Variants in LRRC8D observed in about 807,000 individuals in gnomAD.
LRRC8D encodes volume-regulated anion channel subunit LRRC8D.
In LRRC8D, 20 loss-of-function variants were observed where a neutral mutation model predicts 55.8. That is an observed-to-expected ratio of 0.36 (90% CI 0.25 to 0.52). The LOEUF (loss-of-function observed/expected upper bound fraction) is 0.52, where lower values mean the gene tolerates loss of function less well. LRRC8D is among the 20% of genes least tolerant of loss of function. The pLI is 0.93. For synonymous variants in LRRC8D, 352 were observed against 377.0 expected, an observed-to-expected ratio of 0.93 and a Z score of 0.77; for missense variants, 651 against 1,030.8, an observed-to-expected ratio of 0.63 and a Z score of 5.05.
intron 2 of LRRC8D, among the ~76,000 whole-genome samples, 176 bp downstream of exon 2, chr1:89,843,958 G>C (rs1169076665): frequency 6.6e-6 from 1 of 152,016 alleles, no homozygotes; most frequent in African/African-American, 2.4e-5. Context: ...CCCTGGGTTC[G>C]GGCCGGCGGA....
chr1:89,832,165 A>ATTT (rs1660903339), intron 1 of LRRC8D, among the ~76,000 whole-genome samples: 1 of 152,092 alleles, frequency 6.6e-6, no homozygotes, highest in Non-Finnish European at 1.5e-5. Flanking sequence ...CTTTAGTTTT[A>ATTT]TTTGCTTTTC....
chr1:89,904,102 A>C (rs950018928), intron 2 of LRRC8D, among the ~76,000 whole-genome samples: 2 of 152,226 alleles, frequency 1.3e-5, no homozygotes, highest in East Asian at 3.9e-4. Flanking sequence ...TAAAGAATTA[A>C]AGTGGGTGGG....
At chr1:89,888,577 C>T (rs1217399299) in intron 2 of LRRC8D, among the ~76,000 whole-genome samples, 1 of 152,184 alleles carries the variant, frequency 6.6e-6, no homozygotes, top group Non-Finnish European at 1.5e-5. Context: ...CAGCAACAAG[C>T]ATATCTGGCA....
chr1:89,908,482 T>TATC (rs1663051957), intron 2 of LRRC8D, among the ~76,000 whole-genome samples: 1 of 152,180 alleles, frequency 6.6e-6, no homozygotes, highest in African/African-American at 2.4e-5. Flanking sequence ...GGGGTGTTGT[T>TATC]ATCATCATCA....
chr1:89,872,076 A>G (rs1189094994), intron 2 of LRRC8D, among the ~76,000 whole-genome samples: 1 of 152,234 alleles, frequency 6.6e-6, no homozygotes, highest in African/African-American at 2.4e-5. Flanking sequence ...CTTAAATTTT[A>G]TAAATTGGGA....
At chr1:89,870,563 A>G (rs1488012592) in intron 2 of LRRC8D, among the ~76,000 whole-genome samples, 3 of 152,054 alleles carry the variant, frequency 2.0e-5, no homozygotes, top group Admixed American at 1.3e-4. Context: ...AATTTTGTGT[A>G]CTTTTACTAC....
chr1:89,831,457 C>T (rs1279537432), intron 1 of LRRC8D, among the ~76,000 whole-genome samples: 1 of 151,782 alleles, frequency 6.6e-6, no homozygotes, highest in African/African-American at 2.4e-5. Context: ...GGGAGAGGAC[C>T]GGTGGGACAC....
chr1:89,891,402 G>A (rs1220066971), intron 2 of LRRC8D, among the ~76,000 whole-genome samples: 1 of 152,216 alleles, frequency 6.6e-6, no homozygotes, highest in East Asian at 1.9e-4. Context: ...ACTGTGATCT[G>A]TTAGTAAGGA....
chr1:89,873,262 G>A (rs1161823874), intron 2 of LRRC8D, among the ~76,000 whole-genome samples: 1 of 152,178 alleles, frequency 6.6e-6, no homozygotes, highest in African/African-American at 2.4e-5. Context: ...AAATAACAAA[G>A]GCTTCTGTAT....
At chr1:89,891,379 A>C (rs1478090008) in intron 2 of LRRC8D, among the ~76,000 whole-genome samples, 1 of 152,102 alleles carries the variant, frequency 6.6e-6, no homozygotes, top group Non-Finnish European at 1.5e-5. Flanking sequence ...ATGTTTTATT[A>C]CTGGTGGTGA....
chr1:89,843,652 T>C lies in LRRC8D; in HGVS notation c.-133T>C, dbSNP rs186113463. 788 of 702,450 alleles carry C rather than the reference T, an allele frequency of 1.1e-3. 1 individual carries two copies. Among genetic ancestry groups the C allele is most frequent in the Middle Eastern group, 5.7e-3 (25 of 4,370 alleles). 43.5% of individuals were successfully genotyped at this position (702,450 alleles called of 1,614,324 possible). ...TTTTCAAACAGGAAGTGCACGGCTG[T>C]CTATAACGTGCTGCCGGGTCTCAGG... On this transcript the variant is annotated 5_prime_UTR_variant, in exon 2 of 3. Transcript: ENST00000337338.
At chr1:89,843,826 C>G (rs939999268) in intron 2 of LRRC8D, 44 bp downstream of exon 2, 2 of 624,276 alleles carry the variant, frequency 3.2e-6, no homozygotes, top group African/African-American at 3.6e-5. Flanking sequence ...GTCGGGAAGT[C>G]TGCGGCACGG....
In LRRC8D at chr1:89,915,387, C is replaced by A. The variant is rs180804650; in HGVS notation, c.-2-17680C>A. On this transcript the variant is annotated intron_variant, in intron 2 of 2. Coordinates refer to ENST00000337338, the MANE Select transcript of LRRC8D (RefSeq NM_001134479.2). ...AAGTCACACAAACAAGCAACTGTTT[C>A]TTGGGTATAATGATCCGTGTTTACT... 2.6e-5 allele frequency among the ~76,000 whole-genome samples: 4 copies of A among 152,242 alleles called. No homozygotes were observed. In the East Asian group the frequency reaches 5.8e-4, roughly 22 times the overall value.
At chr1:89,915,818 G>A (rs1268675788) in intron 2 of LRRC8D, among the ~76,000 whole-genome samples, 2 of 152,078 alleles carry the variant, frequency 1.3e-5, no homozygotes, top group South Asian at 2.1e-4. Flanking sequence ...GTTATCTTGG[G>A]CCATTTTTTG....
intron 2 of LRRC8D, among the ~76,000 whole-genome samples, chr1:89,868,737 A>C (rs1211171062): frequency 6.6e-6 from 1 of 152,222 alleles, no homozygotes; most frequent in East Asian, 1.9e-4. Context: ...GCCCAGTATC[A>C]TACCAGCTCT....
chr1:89,824,477 C>G (rs187970671), intron 1 of LRRC8D, among the ~76,000 whole-genome samples: 35 of 152,288 alleles, frequency 2.3e-4, no homozygotes, highest in African/African-American at 6.3e-4. Context: ...TTAGTAAATT[C>G]TTACCCTTTC....
intron 2 of LRRC8D, among the ~76,000 whole-genome samples, chr1:89,871,867 CTGTT>C (rs543288814): frequency 4.9e-4 from 75 of 152,122 alleles, no homozygotes; most frequent in Admixed American, 1.1e-3. Flanking sequence ...GTACTTTTGC[CTGTT>C]TGTTTGTTTG....
intron 2 of LRRC8D, among the ~76,000 whole-genome samples, chr1:89,889,359 T>C (rs1289781115): frequency 6.6e-6 from 1 of 151,944 alleles, no homozygotes; most frequent in Non-Finnish European, 1.5e-5. Flanking sequence ...GAGTAATAAA[T>C]GTAATATGGT....
In LRRC8D at chr1:89,934,203, A is replaced by G; in HGVS notation, c.1135A>G (p.Ile379Val). 6.2e-7 allele frequency: 1 copy of G among 1,614,132 alleles called. No homozygotes were observed. Reference sequence around the variant, plus strand: ...ATCCATTATTTGTGTTTATGGCTTTATCTGCCTCTACACTCTCTTCTGGTT... The same window carrying G: ...ATCCATTATTTGTGTTTATGGCTTTGTCTGCCTCTACACTCTCTTCTGGTT... The part of the protein sequence containing the change: ...YISIICVYGF[I>V]CLYTLFWLFR... Residue 379 changes from isoleucine to valine, a missense_variant, in exon 3 of 3, where the codon ATC (isoleucine) becomes GTC (valine). By Grantham distance (29) the Ile-to-Val change is conservative (BLOSUM62 3). Around this residue, in one of 5 missense-constraint regions of LRRC8D, gnomAD observed 178 missense variants for 374.9 expected, o/e 0.47. Coordinates refer to ENST00000337338, the MANE Select transcript of LRRC8D (RefSeq NM_001134479.2). The surrounding 1 kb of genome is among the most constrained non-coding windows in gnomAD (Gnocchi z 5.9).
Sources: gnomAD v4.1 joint callset for allele counts (sites outside exome capture counted in the v4.1 genomes callset) on GRCh38, gnomAD v4.1.1 for gene constraint, gnomAD v4.1.1 regional missense constraint, Gnocchi (gnomAD v3.1) non-coding constraint, MANE v1.5 for transcripts, NCBI Gene and HGNC (gene_info 2026-07-23, HGNC 2026-07-21) for gene names.